The following TMEM163 variants were observed in gnomAD, a reference collection of about 807,000 sequenced individuals.
The protein encoded by TMEM163 is transmembrane protein 163.
TMEM163 carries 17 observed loss-of-function variants against 29.3 expected under a neutral mutation model. The ratio of observed to expected loss-of-function variants is 0.58; its 90% confidence interval spans 0.40 to 0.87. The LOEUF (loss-of-function observed/expected upper bound fraction) is 0.87, where lower values mean the gene tolerates loss of function less well. Among genes scored for constraint, TMEM163 ranks in the 40% least tolerant of loss-of-function variants. The probability of loss-of-function intolerance (pLI) is 0.00; values close to 1 mark genes in which losing one functional copy is unlikely to be tolerated. For synonymous variants in TMEM163, 157 were observed against 160.6 expected, an observed-to-expected ratio of 0.98 and a Z score of 0.17; for missense variants, 303 against 381.5, an observed-to-expected ratio of 0.79 and a Z score of 1.71.
At chr2:134,645,590 A>G (rs1683319015) in intron 2 of TMEM163, among the ~76,000 whole-genome samples, 1 of 152,264 alleles carries the variant, frequency 6.6e-6, no homozygotes, top group South Asian at 2.1e-4. Context: ...ATAAAAGAAC[A>G]AATAAACAAA....
intron 4 of TMEM163, among the ~76,000 whole-genome samples, chr2:134,539,620 A>G (rs1680619520): frequency 6.6e-6 from 1 of 152,244 alleles, no homozygotes; most frequent in Non-Finnish European, 1.5e-5. Flanking sequence ...AAAAAGTCTA[A>G]GGAGAAAGTC....
intron 1 of TMEM163, among the ~76,000 whole-genome samples, chr2:134,717,552 C>A (rs1685062076): frequency 6.6e-6 from 1 of 152,124 alleles, no homozygotes; most frequent in African/African-American, 2.4e-5. Context: ...GAACACTAAA[C>A]CGGAATAAAA....
intron 2 of TMEM163, among the ~76,000 whole-genome samples, chr2:134,629,807 G>C: frequency 6.6e-6 from 1 of 152,178 alleles, no homozygotes; most frequent in South Asian, 2.1e-4. Flanking sequence ...TATCAATTCA[G>C]AATTCGTGAT....
chr2:134,704,493 G>C (rs1038086368), intron 2 of TMEM163, among the ~76,000 whole-genome samples: 1 of 152,128 alleles, frequency 6.6e-6, no homozygotes, highest in Non-Finnish European at 1.5e-5. Flanking sequence ...AAGCCTCTAA[G>C]GCAACAACAC....
intron 4 of TMEM163, among the ~76,000 whole-genome samples, chr2:134,537,320 C>G (rs544010413): frequency 6.6e-6 from 1 of 152,322 alleles, no homozygotes; most frequent in East Asian, 1.9e-4. Context: ...GCAACAGTGA[C>G]TTTCTCACAG....
chr2:134,683,164 G>T (rs1389809201), intron 2 of TMEM163, among the ~76,000 whole-genome samples: 2 of 152,178 alleles, frequency 1.3e-5, no homozygotes, highest in African/African-American at 4.8e-5. Flanking sequence ...ATACTATAAT[G>T]GTGGATACAT....
chr2:134,584,636 TAA>T (rs34838986), intron 2 of TMEM163, among the ~76,000 whole-genome samples: 51 of 126,906 alleles, frequency 4.0e-4, no homozygotes, highest in African/African-American at 6.9e-4. Flanking sequence ...AAATTTCTAG[TAA>T]AAAAAAAAAA....
intron 4 of TMEM163, among the ~76,000 whole-genome samples, chr2:134,504,356 G>A (rs1359205053): frequency 1.3e-5 from 2 of 152,074 alleles, no homozygotes; most frequent in Non-Finnish European, 2.9e-5. Context: ...GGAAGGAAAA[G>A]GAATGAATGG....
chr2:134,561,653 T>C (rs1281540533), intron 2 of TMEM163, among the ~76,000 whole-genome samples: 1 of 152,214 alleles, frequency 6.6e-6, no homozygotes, highest in Non-Finnish European at 1.5e-5. Context: ...CACACTTTCC[T>C]AACACTTGCT....
intron 2 of TMEM163, among the ~76,000 whole-genome samples, chr2:134,574,781 T>G (rs887088408): frequency 1.3e-5 from 2 of 152,180 alleles, no homozygotes; most frequent in Admixed American, 1.3e-4. Flanking sequence ...AGGAGCAGAC[T>G]GCCAGATGGC....
At chr2:134,582,110 G>A (rs1392659894) in intron 2 of TMEM163, among the ~76,000 whole-genome samples, 2 of 152,182 alleles carry the variant, frequency 1.3e-5, no homozygotes, top group African/African-American at 4.8e-5. Context: ...CCACAGTCAT[G>A]TCAAAAAGGG....
chr2:134,701,958 A>T (rs555280286), intron 2 of TMEM163, among the ~76,000 whole-genome samples: 2 of 151,278 alleles, frequency 1.3e-5, no homozygotes, highest in African/African-American at 4.9e-5. Flanking sequence ...CAGAAGGCTG[A>T]AATCTCCATC....
chr2:134,710,436 G>A (rs367896414), intron 2 of TMEM163, among the ~76,000 whole-genome samples: 4 of 152,218 alleles, frequency 2.6e-5, no homozygotes, highest in South Asian at 2.1e-4. Flanking sequence ...GAAAATGGCA[G>A]CTGAGGAGGT....
intron 4 of TMEM163, among the ~76,000 whole-genome samples, chr2:134,530,619 G>T (rs1680397229): frequency 6.6e-6 from 1 of 152,054 alleles, no homozygotes; most frequent in Non-Finnish European, 1.5e-5. Context: ...TTCAAAGAAG[G>T]CTTCCTCAAC....
intron 2 of TMEM163, among the ~76,000 whole-genome samples, chr2:134,563,758 G>T (rs920634413): frequency 7.9e-5 from 12 of 152,132 alleles, no homozygotes; most frequent in Non-Finnish European, 1.5e-4. Flanking sequence ...AAAAGAATCA[G>T]GAATAGCCAA....
chr2:134,684,845 C>G (rs10928509), intron 2 of TMEM163, among the ~76,000 whole-genome samples: 1 of 151,542 alleles, frequency 6.6e-6, no homozygotes, highest in East Asian at 1.9e-4. Flanking sequence ...ATTGCTTGAA[C>G]CCGGGAGGCG....
intron 2 of TMEM163, among the ~76,000 whole-genome samples, chr2:134,650,028 A>AT (rs34950924): frequency 6.8e-6 from 1 of 147,370 alleles, no homozygotes; most frequent in Non-Finnish European, 1.5e-5. Context: ...AAAAAAAAGA[A>AT]TGATGTAGGT....
intron 2 of TMEM163, among the ~76,000 whole-genome samples, chr2:134,628,820 G>A (rs548954216): frequency 1.3e-5 from 2 of 152,272 alleles, no homozygotes; most frequent in Admixed American, 6.5e-5. Flanking sequence ...GCTTTTCTGA[G>A]TCTTGTGGGT....
At chr2:134,697,577 G>T (rs1684609863) in intron 2 of TMEM163, among the ~76,000 whole-genome samples, 1 of 149,842 alleles carries the variant, frequency 6.7e-6, no homozygotes, top group South Asian at 2.1e-4. Flanking sequence ...TGATTCTCCT[G>T]CCTCAGCCTC....
Sources: allele counts gnomAD v4.1 joint callset (sites outside exome capture counted in the v4.1 genomes callset), GRCh38; gene constraint gnomAD v4.1.1; transcripts MANE v1.5; gene names NCBI Gene and HGNC (gene_info 2026-07-23, HGNC 2026-07-21).